MPPED1: variants seen among roughly 807,000 people sequenced by gnomAD.
The protein encoded by MPPED1 is metallophosphoesterase domain containing 1.
Under a neutral mutation model 36.2 loss-of-function variants are expected in MPPED1, and 16 were observed. The ratio of observed to expected loss-of-function variants is 0.44; its 90% CI spans 0.30 to 0.67. The LOEUF is 0.67. MPPED1 is among the 30% of genes least tolerant of loss of function. The pLI is 0.10. For synonymous variants in MPPED1, 199 were observed against 191.3 expected (o/e 1.04, Z -0.33); for missense variants, 307 against 453.4 (o/e 0.68, Z 2.93).
chr22:43,431,363 C>CT (rs1929681092), intron 2 of MPPED1, among the ~76,000 whole-genome samples: 1 of 152,038 alleles, frequency 6.6e-6, no homozygotes. Context: ...TATTTTGACT[C>CT]TTTTTGCTCT....
At chr22:43,500,335 AGGTGGT>A (rs1393967799) in intron 5 of MPPED1, among the ~76,000 whole-genome samples, 115 of 26,964 alleles carry the variant, frequency 4.3e-3, no homozygotes, top group African/African-American at 0.012. Context: ...GTGGTGGTGG[AGGTGGT>A]GGTGGTGATG....
intron 1 of MPPED1, chr22:43,418,094 C>G (rs538020141): frequency 2.2e-6 from 1 of 456,142 alleles, no homozygotes; most frequent in Non-Finnish European, 4.4e-6. Flanking sequence ...AAAGAGCTGC[C>G]GATGAATGGA....
rs1928917964 is a variant in MPPED1, at chr22:43,412,027, G to C, written c.-210G>C. 1.0e-6 allele frequency: 1 copy of C among 978,924 alleles called. No individual in the cohort carries two copies. The highest frequency in any genetic ancestry group is 6.4e-5 in the Admixed American group (1 of 15,726). 60.6% of individuals were successfully genotyped at this position (978,924 alleles called of 1,614,324 possible). On this transcript the variant is annotated 5_prime_UTR_variant, in exon 1 of 7. Coordinates refer to ENST00000443721, the MANE Select transcript of MPPED1 (RefSeq NM_001044370.2). ...AGTCTGGCTCCCACTTGCAGCCTCG[G>C]ACGCGCGGCGAGGCGGCCGCCGCCG...
At chr22:43,412,183 C>T in intron 1 of MPPED1, 25 bp downstream of exon 1, 1 of 974,244 alleles carries the variant, frequency 1.0e-6, no homozygotes, top group South Asian at 4.6e-5. Flanking sequence ...GGGCGGGGCG[C>T]GGCGGGCGCG....
chr22:43,485,194 C>T (rs1291818098), intron 4 of MPPED1, among the ~76,000 whole-genome samples: 1 of 151,922 alleles, frequency 6.6e-6, no homozygotes, highest in East Asian at 1.9e-4. Context: ...GCACACATAC[C>T]TATACACCTA....
intron 4 of MPPED1, among the ~76,000 whole-genome samples, chr22:43,478,292 A>G (rs934239620): frequency 4.6e-5 from 7 of 152,000 alleles, no homozygotes; most frequent in African/African-American, 7.2e-5. Flanking sequence ...AGGCCTGGGG[A>G]TTGAGCTGAT....
At chr22:43,436,681 G>A (rs1211362092) in intron 3 of MPPED1, among the ~76,000 whole-genome samples, 1 of 152,242 alleles carries the variant, frequency 6.6e-6, no homozygotes, top group Non-Finnish European at 1.5e-5. Flanking sequence ...CCCGTCTGCT[G>A]TGGGTTTCAA....
chr22:43,450,279 C>T (rs1041373851), intron 3 of MPPED1, among the ~76,000 whole-genome samples: 1 of 152,234 alleles, frequency 6.6e-6, no homozygotes, highest in Non-Finnish European at 1.5e-5. Flanking sequence ...GGCAGGCCCC[C>T]TCCCGGTCCT....
chr22:43,429,391 G>T (rs770757355), intron 2 of MPPED1, among the ~76,000 whole-genome samples: 17 of 152,242 alleles, frequency 1.1e-4, no homozygotes, highest in Non-Finnish European at 2.4e-4. Flanking sequence ...CTCTCATCCT[G>T]TCCTGCTGGG....
chr22:43,436,419 G>A (rs974394635), intron 3 of MPPED1, among the ~76,000 whole-genome samples: 4 of 152,266 alleles, frequency 2.6e-5, no homozygotes, highest in Non-Finnish European at 5.9e-5. Flanking sequence ...CGGTGAGCCA[G>A]GGGCCCGACT....
intron 3 of MPPED1, among the ~76,000 whole-genome samples, chr22:43,470,453 TC>T (rs1339564263): frequency 6.6e-6 from 1 of 152,140 alleles, no homozygotes; most frequent in Admixed American, 6.5e-5. Context: ...AAACCATCCA[TC>T]CATGTACCCA....
intron 2 of MPPED1, among the ~76,000 whole-genome samples, chr22:43,430,482 T>C (rs867964456): frequency 3.9e-5 from 6 of 152,234 alleles, no homozygotes; most frequent in African/African-American, 1.4e-4. Context: ...GTCACTGAGC[T>C]GGGGTGCCAG....
At chr22:43,457,564 A>G (rs1246810890) in intron 3 of MPPED1, among the ~76,000 whole-genome samples, 1 of 152,004 alleles carries the variant, frequency 6.6e-6, no homozygotes, top group African/African-American at 2.4e-5. Context: ...TGTTCTCTAT[A>G]TATCTTATAT....
chr22:43,491,169 G>A (rs1333244767), intron 4 of MPPED1, among the ~76,000 whole-genome samples: 3 of 152,212 alleles, frequency 2.0e-5, no homozygotes, highest in Non-Finnish European at 4.4e-5. Context: ...AGACCCTGCT[G>A]TAGGCCAAAG....
At chr22:43,456,576 C>A (rs1383343651) in intron 3 of MPPED1, among the ~76,000 whole-genome samples, 4 of 152,194 alleles carry the variant, frequency 2.6e-5, no homozygotes, top group African/African-American at 9.7e-5. Context: ...CTAACTGCAA[C>A]CTCTGCCTCC....
At chr22:43,452,136 G>A (rs2006261) in intron 3 of MPPED1, among the ~76,000 whole-genome samples, 1 of 151,428 alleles carries the variant, frequency 6.6e-6, no homozygotes, top group Non-Finnish European at 1.5e-5. Flanking sequence ...TCCTGCCTCA[G>A]CCTCCCTGGT....
chr22:43,464,291 C>CTGTGTGTG (rs60119589), intron 3 of MPPED1, among the ~76,000 whole-genome samples: 177 of 143,916 alleles, frequency 1.2e-3, no homozygotes, highest in Middle Eastern at 3.6e-3. Context: ...TTGGTCAGCT[C>CTGTGTGTG]TGTGTGTGTG....
At chr22:43,447,883 A>ATATATATATATAT (rs1321289636) in intron 3 of MPPED1, among the ~76,000 whole-genome samples, 94 of 67,708 alleles carry the variant, frequency 1.4e-3, no homozygotes, top group Non-Finnish European at 2.0e-3. Context: ...ATATATATAT[A>ATATATATATATAT]TTTTTTTTTT....
chr22:43,448,527 A>G (rs996988343), intron 3 of MPPED1, among the ~76,000 whole-genome samples: 1 of 152,192 alleles, frequency 6.6e-6, no homozygotes, highest in Non-Finnish European at 1.5e-5. Flanking sequence ...CATACGGCAA[A>G]GAAAAGTGGA....
Sources: allele counts gnomAD v4.1 joint callset (sites outside exome capture counted in the v4.1 genomes callset), GRCh38; gene constraint gnomAD v4.1.1; transcripts MANE v1.5; gene names NCBI Gene and HGNC (gene_info 2026-07-23, HGNC 2026-07-21).